Variants in ACLY observed in about 807,000 individuals in gnomAD.
ACLY encodes ATP citrate lyase.
A neutral mutation model predicts 133.0 loss-of-function variants in ACLY; 41 were observed. The ratio of observed to expected loss-of-function variants is 0.31; its 90% CI spans 0.24 to 0.40. The LOEUF (loss-of-function observed/expected upper bound fraction) is 0.40, where lower values mean the gene tolerates loss of function less well. Among genes scored for constraint, ACLY ranks in the 10% least tolerant of loss-of-function variants. ACLY has a pLI of 1.00. For synonymous variants in ACLY, 495 were observed against 549.3 expected (o/e 0.90, Z 1.38); for missense variants, 1,046 against 1,453.8 (o/e 0.72, Z 4.56).
At chr17:41,869,882 G>A (rs2048555957) in intron 25 of ACLY, among the ~76,000 whole-genome samples, 1 of 152,186 alleles carries the variant, frequency 6.6e-6, no homozygotes, top group Non-Finnish European at 1.5e-5. Context: ...CTACAGTGTT[G>A]AGCAGCAGAG....
chr17:41,928,928 G>GT lies in ACLY; in HGVS notation c.-28+1429dup, dbSNP rs200416901. Among the ~76,000 whole-genome samples, 578 of 151,434 alleles carry GT rather than the reference G, an allele frequency of 3.8e-3. 4 individuals are homozygous for GT. The highest frequency in any genetic ancestry group is 0.013 in the African/African-American group (554 of 41,192). ...TCTGTAGATCTCTTCCTTGCAGGAGGTTTTTTTCTGATTAATCCTGGTTGC... is the reference window on the plus strand; with the variant it reads ...TCTGTAGATCTCTTCCTTGCAGGAGGTTTTTTTTCTGATTAATCCTGGTTGC... On this transcript the variant is annotated intron_variant, in intron 1 of 3. Transcript: ENST00000592970.
intron 28 of ACLY, among the ~76,000 whole-genome samples, chr17:41,868,453 A>AAT (rs10668805): frequency 6.6e-6 from 1 of 150,378 alleles, no homozygotes; most frequent in Non-Finnish European, 1.5e-5. Flanking sequence ...AAAAAAAAAA[A>AAT]TTTTCCTGGG....
At chr17:41,885,210 A>T (rs886183487) in intron 18 of ACLY, among the ~76,000 whole-genome samples, 5 of 152,168 alleles carry the variant, frequency 3.3e-5, no homozygotes, top group Non-Finnish European at 5.9e-5. Flanking sequence ...ATCATTATAA[A>T]TCTAAGAAGA....
intron 22 of ACLY, 70 bp downstream of exon 22, chr17:41,878,033 C>T: frequency 7.9e-6 from 9 of 1,136,398 alleles, no homozygotes; most frequent in Middle Eastern, 4.3e-4. Context: ...GGCAAATCAA[C>T]GCGAAACCCA....
At chr17:41,906,704 A>G in intron 7 of ACLY, 58 bp from the exon 8 acceptor site, 2 of 1,458,150 alleles carry the variant, frequency 1.4e-6, no homozygotes, top group Non-Finnish European at 1.9e-6. Flanking sequence ...CAGGTCCCAG[A>G]TCCTAGGACC....
At chr17:41,883,073 CT>C in intron 20 of ACLY, 48 bp downstream of exon 20, 1 of 1,495,658 alleles carries the variant, frequency 6.7e-7, no homozygotes, top group Non-Finnish European at 9.2e-7. Context: ...CAAATGCCCC[CT>C]CTTGCAATCC....
chr17:41,897,246 T>C (rs1291644707), intron 13 of ACLY, among the ~76,000 whole-genome samples: 5 of 151,874 alleles, frequency 3.3e-5, no homozygotes, highest in African/African-American at 1.2e-4. Flanking sequence ...AGAGAAAAAT[T>C]AGTTGAAATA....
At position 41,878,787 on chromosome 17, in the gene ACLY, G is replaced by A; in HGVS notation, c.2393+10C>T. On this transcript the variant is annotated intron_variant, in intron 21 of 28. Coordinates refer to ENST00000352035, the MANE Select transcript of ACLY (RefSeq NM_001096.3). ...GGGGGAGGCCGGCATCCTCCCCAAGGTCCACTTACTGGATGATCTCTCCAA... is the reference window on the plus strand; with the variant it reads ...GGGGGAGGCCGGCATCCTCCCCAAGATCCACTTACTGGATGATCTCTCCAA... 5.6e-6 allele frequency: 9 copies of A among 1,613,432 alleles called. No individual in the cohort carries two copies. Among genetic ancestry groups the A allele is most frequent in the Non-Finnish European group, 7.6e-6 (9 of 1,179,774 alleles).
chr17:41,901,701 T>G lies in ACLY; in HGVS notation c.1178A>C (p.Glu393Ala). ...NYQEGLRVMG[E>A]VGKTTGIPIH... is the part of the protein sequence containing the mutation. Reference sequence around the variant, plus strand: ...AGAAAAGGTCCTCATCTTACCGACTTCTCCCATCACCCGTAAGCCCTCCTG... The same window carrying G: ...AGAAAAGGTCCTCATCTTACCGACTGCTCCCATCACCCGTAAGCCCTCCTG... The change falls in exon 11 of 29, where the codon GAA becomes GCA. Residue 393 changes from glutamate to alanine, a missense_variant. Coordinates refer to ENST00000352035, the MANE Select transcript of ACLY (RefSeq NM_001096.3). 6.2e-7 allele frequency: 1 copy of G among 1,610,542 alleles called. No homozygotes were observed. Among genetic ancestry groups the G allele is most frequent in the Non-Finnish European group, 8.5e-7 (1 of 1,178,030 alleles).
chr17:41,900,788 TCA>T (rs782283293), intron 11 of ACLY, among the ~76,000 whole-genome samples: 1 of 152,018 alleles, frequency 6.6e-6, no homozygotes, highest in Non-Finnish European at 1.5e-5. Flanking sequence ...GCCTGCTGTC[TCA>T]CAGTGATGGC....
intron 16 of ACLY, among the ~76,000 whole-genome samples, chr17:41,889,178 T>A (rs1354682238): frequency 6.6e-6 from 1 of 151,992 alleles, no homozygotes; most frequent in East Asian, 1.9e-4. Flanking sequence ...CTAGGTGATG[T>A]GCTAGGTTTT....
Position 41,886,053 on chromosome 17 carries a change from G to A in ACLY, c.2072+59C>T, listed in dbSNP as rs1426742122. The A allele has an allele frequency of 2.9e-5, 45 of 1,543,040 alleles. No individual in the cohort carries two copies. The Admixed American group carries it at 4.6e-4, about 16-fold the overall frequency. ...CAAGCAGCCTGCAGGACACAGCATCGTCTCCTAGCCCACTGCTCTCAAAGC... is the reference window on the plus strand; with the variant it reads ...CAAGCAGCCTGCAGGACACAGCATCATCTCCTAGCCCACTGCTCTCAAAGC... On this transcript the variant is annotated intron_variant, in intron 18 of 28. Transcript: ENST00000352035.
chr17:41,900,317 C>T (rs998804100), intron 11 of ACLY, among the ~76,000 whole-genome samples: 2 of 150,620 alleles, frequency 1.3e-5, no homozygotes, highest in East Asian at 3.9e-4. Context: ...GAGCCGAGAT[C>T]GCGCCACTGC....
At chr17:41,875,489 C>A (rs1180528018) in intron 22 of ACLY, among the ~76,000 whole-genome samples, 1 of 141,684 alleles carries the variant, frequency 7.1e-6, no homozygotes, top group African/African-American at 2.7e-5. Context: ...CCTCTGATGC[C>A]GAGCCGAAGC....
intron 20 of ACLY, 94 bp downstream of exon 20, chr17:41,883,028 G>T: frequency 9.7e-7 from 1 of 1,028,040 alleles, no homozygotes; most frequent in Non-Finnish European, 1.4e-6. Context: ...GAAGGAACTA[G>T]CTGCGAATTA....
At position 41,897,599 on chromosome 17, in the gene ACLY, T is replaced by C. The variant is rs2049407305; in HGVS notation, c.1429+150A>G. On this transcript the variant is annotated intron_variant, in intron 13 of 28. Coordinates refer to ENST00000352035, the MANE Select transcript of ACLY (RefSeq NM_001096.3). ...CACAGGGAAGGCTCAAGTCATACCATCCTCGTGTCCCAGGTGCACTCCCAT... is the reference window on the plus strand; with the variant it reads ...CACAGGGAAGGCTCAAGTCATACCACCCTCGTGTCCCAGGTGCACTCCCAT... The C allele has an allele frequency of 1.0e-5, 7 of 686,002 alleles. No homozygotes were observed. In the East Asian group the frequency reaches 1.7e-4, roughly 17 times the overall value. 42.5% of individuals were successfully genotyped at this position (686,002 alleles called of 1,614,324 possible). A position where few individuals can be genotyped will look rare whatever the true frequency, so the allele number is the denominator to read the frequency against.
chr17:41,881,922 C>A (rs1399878014), intron 20 of ACLY, among the ~76,000 whole-genome samples: 2 of 152,164 alleles, frequency 1.3e-5, no homozygotes, highest in African/African-American at 4.8e-5. Context: ...ATATTATAAG[C>A]ATTTACTGAA....
chr17:41,909,353 A>G, intron 5 of ACLY, among the ~76,000 whole-genome samples, 157 bp downstream of exon 5: 1 of 152,150 alleles, frequency 6.6e-6, no homozygotes, highest in Non-Finnish European at 1.5e-5. Context: ...GTTCCAAGCC[A>G]GTCCCCGCCC....
At chr17:41,871,376 G>C (rs1388252281) in intron 25 of ACLY, among the ~76,000 whole-genome samples, 7 of 147,068 alleles carry the variant, frequency 4.8e-5, no homozygotes, top group Non-Finnish European at 9.0e-5. Context: ...TTTTGAGATG[G>C]AGTTTCACTC....
Sources: allele counts gnomAD v4.1 joint callset (sites outside exome capture counted in the v4.1 genomes callset), GRCh38; gene constraint gnomAD v4.1.1; transcripts MANE v1.5; gene names NCBI Gene and HGNC (gene_info 2026-07-23, HGNC 2026-07-21).